Variants in CHRDL2 observed in about 807,000 individuals in gnomAD.
CHRDL2 encodes the protein chordin-like protein 2.
A neutral mutation model predicts 54.3 loss-of-function variants in CHRDL2; 41 were observed. That is an observed-to-expected ratio of 0.76 (90% CI 0.59 to 0.98). CHRDL2 has a LOEUF of 0.98. Ranked by LOEUF, CHRDL2 falls within the 50% of genes least tolerant of loss-of-function variation. CHRDL2 has a pLI of 0.00. For synonymous variants in CHRDL2, 220 were observed against 224.3 expected (o/e 0.98, Z 0.17); for missense variants, 518 against 562.4 (o/e 0.92, Z 0.80).
chr11:74,720,598 G>A (rs1257598914), intron 1 of CHRDL2, among the ~76,000 whole-genome samples: 1 of 131,668 alleles, frequency 7.6e-6, no homozygotes, highest in Admixed American at 9.0e-5. Context: ...TGCCTCTCAT[G>A]CCTCCTTCTC....
chr11:74,717,888 G>C (rs1018345020), intron 2 of CHRDL2, among the ~76,000 whole-genome samples: 1 of 152,200 alleles, frequency 6.6e-6, no homozygotes, highest in East Asian at 1.9e-4. Context: ...TAAAGCCAAG[G>C]GTTTTTCAGG....
intron 2 of CHRDL2, among the ~76,000 whole-genome samples, chr11:74,717,719 C>G (rs1488552125): frequency 6.6e-6 from 1 of 152,208 alleles, no homozygotes; most frequent in Non-Finnish European, 1.5e-5. Context: ...ACAAGGGAGA[C>G]TCTTAGAGGC....
At chr11:74,723,458 A>T (rs2034527306) in intron 1 of CHRDL2, among the ~76,000 whole-genome samples, 1 of 152,214 alleles carries the variant, frequency 6.6e-6, no homozygotes, top group African/African-American at 2.4e-5. Flanking sequence ...CACAAATAGA[A>T]GATTCATCCT....
Position 74,731,202 on chromosome 11 carries a change from A to C in CHRDL2, c.-314T>G. On this transcript the variant is annotated 5_prime_UTR_variant, in exon 1 of 11. Coordinates refer to ENST00000376332, the MANE Select transcript of CHRDL2 (RefSeq NM_001278473.3). This position sits in a 1 kb window ranked among gnomAD's most constrained non-coding sequence, Gnocchi z 4.4. ...GAAGGTGAGAGGGAGAGGAGGAGAA[A>C]GCAGGGAGAGGACCGGCGTCTGCCG... The C allele has an allele frequency of 3.9e-6, 1 of 255,906 alleles. No individual in the cohort carries two copies. The highest frequency in any genetic ancestry group is 7.5e-6 in the Non-Finnish European group (1 of 133,296). 15.9% of individuals were successfully genotyped at this position (255,906 alleles called of 1,614,324 possible).
chr11:74,716,369 T>A lies in CHRDL2; in HGVS notation c.195+2351A>T, dbSNP rs1244201792. The stretch of plus-strand genomic sequence containing the variant: ...GGCCAACATGGTGAAACCCCATCTC[T>A]ACTAAAAATATAAAAATTAGCTGGG... On this transcript the variant is annotated intron_variant, in intron 2 of 10. Transcript: ENST00000376332. Among the ~76,000 whole-genome samples, 3 of 152,082 alleles carry A rather than the reference T, an allele frequency of 2.0e-5. No homozygotes were observed. The South Asian group carries it at 6.2e-4, about 32-fold the overall frequency.
intron 4 of CHRDL2, among the ~76,000 whole-genome samples, chr11:74,708,921 T>C (rs1300957077): frequency 6.6e-6 from 1 of 152,096 alleles, no homozygotes; most frequent in Non-Finnish European, 1.5e-5. Flanking sequence ...AGGTGACCAT[T>C]GGTGGTCACT....
At chr11:74,700,052 G>A (rs534254619) in intron 9 of CHRDL2, among the ~76,000 whole-genome samples, 2 of 152,348 alleles carry the variant, frequency 1.3e-5, no homozygotes, top group Admixed American at 6.5e-5. Context: ...CTAAAAGCAC[G>A]AGGTCACCTC....
intron 7 of CHRDL2, among the ~76,000 whole-genome samples, chr11:74,703,914 C>T (rs761089901): frequency 9.7e-4 from 147 of 152,306 alleles, no homozygotes; most frequent in Non-Finnish European, 1.8e-3. Flanking sequence ...AGCCCCATAG[C>T]TCTTCCTTCT....
intron 1 of CHRDL2, among the ~76,000 whole-genome samples, chr11:74,723,250 G>C (rs2034524499): frequency 6.6e-6 from 1 of 152,178 alleles, no homozygotes; most frequent in Non-Finnish European, 1.5e-5. Flanking sequence ...CAGGATTGAG[G>C]TTTCGGGACT....
At chr11:74,706,622 G>A (rs1449119578) in intron 5 of CHRDL2, 80 bp from the exon 6 acceptor site, 2 of 1,358,880 alleles carry the variant, frequency 1.5e-6, no homozygotes, top group African/African-American at 1.4e-5. Context: ...CCACCTATAG[G>A]CTCTGTCCAT....
intron 1 of CHRDL2, 114 bp from the exon 2 acceptor site, chr11:74,718,946 AAG>A (rs2034437163): frequency 1.5e-6 from 1 of 660,552 alleles, no homozygotes; most frequent in Admixed American, 2.9e-5. Flanking sequence ...ACTCAGGCAA[AAG>A]AGAATCTGCT....
intron 6 of CHRDL2, among the ~76,000 whole-genome samples, chr11:74,705,627 T>G (rs1365427104): frequency 6.6e-6 from 1 of 152,214 alleles, no homozygotes; most frequent in African/African-American, 2.4e-5. Context: ...CGTCAGTAAG[T>G]AGCTGATCAG....
chr11:74,713,920 G>C (rs987790909), intron 2 of CHRDL2, among the ~76,000 whole-genome samples: 2 of 152,182 alleles, frequency 1.3e-5, no homozygotes, highest in African/African-American at 4.8e-5. Context: ...ACCTCATGTG[G>C]AGAAGACGGA....
intron 5 of CHRDL2, among the ~76,000 whole-genome samples, 185 bp downstream of exon 5, chr11:74,708,117 G>A (rs1028842467): frequency 6.6e-6 from 1 of 152,146 alleles, no homozygotes; most frequent in Non-Finnish European, 1.5e-5. Flanking sequence ...ATAAAAATAA[G>A]TAACACATCA....
At chr11:74,730,709 G>T in intron 1 of CHRDL2, 98 bp downstream of exon 1, 1 of 1,141,828 alleles carries the variant, frequency 8.8e-7, no homozygotes, top group Non-Finnish European at 1.3e-6. Context: ...CTGCCTGGAC[G>T]GCTGTCAGAA....
intron 1 of CHRDL2, among the ~76,000 whole-genome samples, chr11:74,723,152 T>C (rs1003281395): frequency 6.6e-6 from 1 of 152,004 alleles, no homozygotes; most frequent in African/African-American, 2.4e-5. Flanking sequence ...AAAGTACAGA[T>C]TTGAGAAACA....
At position 74,705,302 on chromosome 11, in the gene CHRDL2, G is replaced by A. The variant is rs376005693; in HGVS notation, c.583-648C>T. On this transcript the variant is annotated intron_variant, in intron 6 of 10. Coordinates refer to ENST00000376332, the MANE Select transcript of CHRDL2 (RefSeq NM_001278473.3). ...TGGCGAGGACAGCTCAGAGTTTGGG[G>A]ACTGGGCAGCTCCCGGCCACAGGAG... is the stretch of plus-strand genomic sequence containing the variant. 2.6e-4 allele frequency among the ~76,000 whole-genome samples: 40 copies of A among 152,296 alleles called. 1 individual carries two copies. The highest frequency in any genetic ancestry group is 1.0e-3 in the South Asian group (5 of 4,822).
At chr11:74,719,544 G>A (rs2034457043) in intron 1 of CHRDL2, among the ~76,000 whole-genome samples, 1 of 152,160 alleles carries the variant, frequency 6.6e-6, no homozygotes, top group South Asian at 2.1e-4. Flanking sequence ...CATGGCTCTG[G>A]GAGCTTTCTT....
Position 74,718,720 on chromosome 11 carries a change from C to CAGG in CHRDL2, c.194_195insCCT (p.Glu65delinsAspLeu). ...TGGTCAGGTGGCCAGAGGAACCTAC[C>CAGG]TCTGAGCAGGTACAGCGCAGGCAGT... On this transcript the variant is annotated protein_altering_variant and splice_region_variant, in exon 2 of 11. Transcript: ENST00000376332. 3.1e-6 allele frequency: 5 copies of CAGG among 1,609,190 alleles called. No individual in the cohort carries two copies. The highest frequency in any genetic ancestry group is 4.3e-6 in the Non-Finnish European group (5 of 1,176,336).
Sources: allele counts gnomAD v4.1 joint callset (sites outside exome capture counted in the v4.1 genomes callset), GRCh38; gene constraint gnomAD v4.1.1; non-coding constraint Gnocchi (gnomAD v3.1); transcripts MANE v1.5; gene names NCBI Gene and HGNC (gene_info 2026-07-23, HGNC 2026-07-21).